The following SLC25A13 variants were observed in gnomAD, a reference collection of about 807,000 sequenced individuals.
SLC25A13 encodes solute carrier family 25 member 13, also known as electrogenic aspartate/glutamate antiporter SLC25A13, mitochondrial.
In SLC25A13, 70 loss-of-function variants were observed where a neutral mutation model predicts 85.5. The observed-to-expected ratio is 0.82, with a 90% confidence interval of 0.68 to 1.00. SLC25A13 has a LOEUF of 1.00. Ranked by LOEUF, SLC25A13 falls within the 50% of genes least tolerant of loss-of-function variation. The pLI is 0.00. For synonymous variants in SLC25A13, 259 were observed against 288.7 expected, an observed-to-expected ratio of 0.90 and a Z score of 1.04; for missense variants, 765 against 819.8, an observed-to-expected ratio of 0.93 and a Z score of 0.82.
chr7:96,250,511 G>C (rs764053025), intron 3 of SLC25A13, among the ~76,000 whole-genome samples: 12 of 152,120 alleles, frequency 7.9e-5, no homozygotes, highest in Non-Finnish European at 1.3e-4. Context: ...CAACACTTTG[G>C]GACATGAGTC....
At chr7:96,214,815 A>T (rs972484587) in intron 4 of SLC25A13, among the ~76,000 whole-genome samples, 5 of 152,122 alleles carry the variant, frequency 3.3e-5, no homozygotes, top group Non-Finnish European at 7.4e-5. Flanking sequence ...AATTTAACAA[A>T]ATAAGTGCAA....
In SLC25A13 at chr7:96,268,031, C is replaced by T. The variant is rs1717375798; in HGVS notation, c.212+9165G>A. The stretch of plus-strand genomic sequence containing the variant: ...ATATGTGTGGTAAATTCCTTTGTGA[C>T]CCTAGCAAGCCAACTGGATCCCTGA... On this transcript the variant is annotated intron_variant, in intron 3 of 17. Transcript: ENST00000265631. Among the ~76,000 whole-genome samples, 4 of 152,092 alleles carry T rather than the reference C, an allele frequency of 2.6e-5. No homozygotes were observed. The South Asian group carries it at 8.3e-4, about 32-fold the overall frequency.
At chr7:96,163,576 A>G (rs1480842059) in intron 13 of SLC25A13, among the ~76,000 whole-genome samples, 1 of 152,234 alleles carries the variant, frequency 6.6e-6, no homozygotes, top group Non-Finnish European at 1.5e-5. Context: ...GATAATCAGA[A>G]CACTTCTCCT....
At chr7:96,175,197 G>T (rs778493916) in intron 11 of SLC25A13, among the ~76,000 whole-genome samples, 3 of 152,192 alleles carry the variant, frequency 2.0e-5, no homozygotes, top group African/African-American at 7.2e-5. Flanking sequence ...CTTCAAGGGT[G>T]AGCAGAGGTT....
chr7:96,189,578 T>G lies in SLC25A13; in HGVS notation c.848+3A>C, dbSNP rs369402461. The G allele has an allele frequency of 1.1e-4, 168 of 1,571,708 alleles. No individual in the cohort carries two copies. Among genetic ancestry groups the G allele is most frequent in the Non-Finnish European group, 1.4e-4 (163 of 1,152,794 alleles). On this transcript the variant is annotated splice_donor_region_variant and intron_variant, in intron 8 of 17. Transcript: ENST00000265631. ...AAAAAAAAAAAAAAAAAAGCCAACT[T>G]ACCCCCTTGGCTCATATAAATCTGC...
At position 96,219,617 on chromosome 7, in the gene SLC25A13, G is replaced by A. The variant is rs778954518; in HGVS notation, c.329-10640C>T. The A allele has an allele frequency of 5.8e-6, 3 of 517,000 alleles. No homozygotes were observed. The African/African-American group carries it at 5.8e-5, about 10-fold the overall frequency. 32.0% of individuals were successfully genotyped at this position (517,000 alleles called of 1,614,324 possible). A position where few individuals can be genotyped will look rare whatever the true frequency, so the allele number is the denominator to read the frequency against. On this transcript the variant is annotated intron_variant, in intron 4 of 17. Coordinates refer to ENST00000265631, the MANE Select transcript of SLC25A13 (RefSeq NM_014251.3). ...GAAGTAGGAACTACATTCCCTTGGA[G>A]AGCTTGTTTAAAACACATTCCCAAG...
At chr7:96,243,617 G>A (rs1797074146) in intron 3 of SLC25A13, among the ~76,000 whole-genome samples, 1 of 152,086 alleles carries the variant, frequency 6.6e-6, no homozygotes, top group African/African-American at 2.4e-5. Context: ...GAGAGTAATG[G>A]GGTTGGGAGA....
intron 1 of SLC25A13, among the ~76,000 whole-genome samples, chr7:96,321,511 A>G (rs1205320649): frequency 6.6e-6 from 1 of 152,060 alleles, no homozygotes; most frequent in African/African-American, 2.4e-5. Flanking sequence ...ATCAGGCTTC[A>G]GCCCGGGCTC....
chr7:96,178,341 C>T (rs1364158983), intron 11 of SLC25A13, among the ~76,000 whole-genome samples: 1 of 152,128 alleles, frequency 6.6e-6, no homozygotes, highest in Non-Finnish European at 1.5e-5. Context: ...AACTTGGTAA[C>T]TAAGGCAGTA....
At chr7:96,149,289 C>T (rs1792924005) in intron 13 of SLC25A13, among the ~76,000 whole-genome samples, 1 of 152,206 alleles carries the variant, frequency 6.6e-6, no homozygotes, top group Non-Finnish European at 1.5e-5. Context: ...GATCTCACAA[C>T]AAACTCTTTC....
At chr7:96,127,145 A>G (rs952353015) in intron 15 of SLC25A13, among the ~76,000 whole-genome samples, 1 of 152,242 alleles carries the variant, frequency 6.6e-6, no homozygotes, top group Non-Finnish European at 1.5e-5. Flanking sequence ...ATCATCTGGT[A>G]TGATAGAGCA....
intron 14 of SLC25A13, among the ~76,000 whole-genome samples, chr7:96,134,734 C>T (rs998564184): frequency 2.8e-5 from 4 of 144,856 alleles, no homozygotes; most frequent in Non-Finnish European, 6.0e-5. Flanking sequence ...TGCTGGAAAA[C>T]AACTCTACAT....
In SLC25A13 at chr7:96,240,971, A is replaced by AAGGAG. The variant is rs1237921098; in HGVS notation, c.213-6059_213-6055dup. 2.1e-4 allele frequency among the ~76,000 whole-genome samples: 12 copies of AAGGAG among 56,970 alleles called. 1 individual carries two copies. Among genetic ancestry groups the AAGGAG allele is most frequent in the African/African-American group, 6.6e-4 (10 of 15,188 alleles). 37.4% of individuals were successfully genotyped at this position (56,970 alleles called of 152,430 possible). A position where few individuals can be genotyped will look rare whatever the true frequency, so the allele number is the denominator to read the frequency against. ...TCCAGGGAAGAGCTACGAAAGCCGA[A>AAGGAG]AGGAGAGGAGAGGGGAGGGGAGGGG... is the stretch of plus-strand genomic sequence containing the variant. On this transcript the variant is annotated intron_variant, in intron 3 of 17. Transcript: ENST00000265631.
At chr7:96,306,628 A>C (rs1799753855) in intron 1 of SLC25A13, among the ~76,000 whole-genome samples, 1 of 152,096 alleles carries the variant, frequency 6.6e-6, no homozygotes, top group Non-Finnish European at 1.5e-5. Context: ...TGCAGGATGG[A>C]GACTGATTGC....
chr7:96,161,845 A>G (rs555906544), intron 13 of SLC25A13, among the ~76,000 whole-genome samples: 3 of 152,244 alleles, frequency 2.0e-5, no homozygotes, highest in Non-Finnish European at 4.4e-5. Context: ...CCCAGGGAAT[A>G]TTCCAAACAA....
At position 96,296,907 on chromosome 7, in the gene SLC25A13, T is replaced by C. The variant is rs745497684; in HGVS notation, c.60A>G (p.Ile20Met). The change falls in exon 2 of 18, where the codon ATA (isoleucine) becomes ATG (methionine). Residue 20 changes from isoleucine to methionine, a missense_variant. Ile to Met is a conservative substitution (Grantham distance 10). Coordinates refer to ENST00000265631, the MANE Select transcript of SLC25A13 (RefSeq NM_014251.3). ...KRADPAELRT[I>M]FLKYASIEKN... Reference sequence around the variant, plus strand: ...ATTCCTTTATACTGACCTTCAAAAATATTGTTCTAAGCTCAGCTGGATCTG... The same window carrying C: ...ATTCCTTTATACTGACCTTCAAAAACATTGTTCTAAGCTCAGCTGGATCTG... 6.2e-7 allele frequency: 1 copy of C among 1,613,394 alleles called. No individual in the cohort carries two copies. The highest frequency in any genetic ancestry group is 1.7e-5 in the Admixed American group (1 of 60,004).
At position 96,321,989 on chromosome 7, in the gene SLC25A13, CACTGACTG is replaced by C; in HGVS notation, c.-41_-34del. ...CCCGGTTGCGGGCGACTGCGGGACC[CACTGACTG>C]GCTGGCTGGCGTTTGGGACCCGGGC... is the stretch of plus-strand genomic sequence containing the variant. On this transcript the variant is annotated 5_prime_UTR_variant, in exon 1 of 18. Coordinates refer to ENST00000265631, the MANE Select transcript of SLC25A13 (RefSeq NM_014251.3). 1 of 1,536,498 alleles carries C rather than the reference CACTGACTG, an allele frequency of 6.5e-7. No homozygotes were observed. The highest frequency in any genetic ancestry group is 8.8e-7 in the Non-Finnish European group (1 of 1,142,208).
chr7:96,208,768 GT>G (rs1795563972), intron 5 of SLC25A13, 69 bp downstream of exon 5: 2 of 1,583,604 alleles, frequency 1.3e-6, no homozygotes, highest in Non-Finnish European at 1.7e-6. Context: ...GCCTCCCAAA[GT>G]GCTAGGATTA....
intron 1 of SLC25A13, among the ~76,000 whole-genome samples, chr7:96,302,392 A>G (rs1344430325): frequency 1.3e-5 from 2 of 152,196 alleles, no homozygotes; most frequent in East Asian, 3.9e-4. Context: ...GAATCAAGCC[A>G]CAGTTGCAGG....
Sources: allele counts gnomAD v4.1 joint callset (sites outside exome capture counted in the v4.1 genomes callset), GRCh38; gene constraint gnomAD v4.1.1; transcripts MANE v1.5; gene names NCBI Gene and HGNC (gene_info 2026-07-23, HGNC 2026-07-21).